Variants in ASIC2 observed in about 807,000 individuals in gnomAD.
The protein encoded by ASIC2 is acid-sensing ion channel 2.
ASIC2 carries 25 observed loss-of-function variants against 57.3 expected under a neutral mutation model. The observed-to-expected ratio is 0.44, with a 90% CI of 0.32 to 0.61. The LOEUF (loss-of-function observed/expected upper bound fraction) is 0.61, where lower values mean the gene tolerates loss of function less well. Among genes scored for constraint, ASIC2 ranks in the 20% least tolerant of loss-of-function variants. The probability of loss-of-function intolerance (pLI) is 0.06; values close to 1 mark genes in which losing one functional copy is unlikely to be tolerated. For synonymous variants in ASIC2, 319 were observed against 307.5 expected (o/e 1.04, Z -0.39); for missense variants, 641 against 738.1 (o/e 0.87, Z 1.52).
At chr17:33,175,002 C>A (rs1020365205) in intron 1 of ASIC2, among the ~76,000 whole-genome samples, 1 of 152,088 alleles carries the variant, frequency 6.6e-6, no homozygotes, top group African/African-American at 2.4e-5. Flanking sequence ...AAAAGTGGAG[C>A]TTTCTTTATC....
intron 3 of ASIC2, among the ~76,000 whole-genome samples, chr17:33,066,229 G>C (rs1460528529): frequency 6.6e-6 from 1 of 152,206 alleles, no homozygotes; most frequent in African/African-American, 2.4e-5. Context: ...AGTGAGGGCT[G>C]AGAGAGAACA....
intron 1 of ASIC2, among the ~76,000 whole-genome samples, chr17:33,819,636 G>T (rs1912689615): frequency 6.6e-6 from 1 of 152,198 alleles, no homozygotes; most frequent in African/African-American, 2.4e-5. Context: ...AAATTCTAAT[G>T]CTGAGACTGT....
chr17:34,053,113 C>T (rs1908631292), intron 1 of ASIC2, among the ~76,000 whole-genome samples: 1 of 152,154 alleles, frequency 6.6e-6, no homozygotes, highest in Admixed American at 6.5e-5. Context: ...CCTTCATGTT[C>T]CAACCACTGA....
At chr17:33,160,214 AAAAAG>A (rs750297767) in intron 1 of ASIC2, among the ~76,000 whole-genome samples, 14 of 93,512 alleles carry the variant, frequency 1.5e-4, no homozygotes, top group South Asian at 3.9e-4. Flanking sequence ...GTTAAAAAAA[AAAAAG>A]AAAAGAAAAG....
chr17:33,217,990 C>G (rs955106753), intron 1 of ASIC2, among the ~76,000 whole-genome samples: 8 of 152,250 alleles, frequency 5.3e-5, no homozygotes, highest in Non-Finnish European at 1.0e-4. Flanking sequence ...CAGAAGCCCT[C>G]TTGGCGTAAC....
At chr17:33,215,763 G>A (rs1396108509) in intron 1 of ASIC2, among the ~76,000 whole-genome samples, 1 of 150,692 alleles carries the variant, frequency 6.6e-6, no homozygotes, top group East Asian at 2.0e-4. Context: ...GCAGTGGCGC[G>A]ATCTCGGCTC....
At chr17:33,805,099 C>A (rs1414486819) in intron 1 of ASIC2, among the ~76,000 whole-genome samples, 3 of 152,154 alleles carry the variant, frequency 2.0e-5, no homozygotes, top group Admixed American at 6.6e-5. Flanking sequence ...ACCCCTCGAC[C>A]TTTTCTTTCT....
chr17:33,298,474 C>T (rs568118811), intron 1 of ASIC2, among the ~76,000 whole-genome samples: 46 of 152,328 alleles, frequency 3.0e-4, no homozygotes, highest in African/African-American at 1.0e-3. Flanking sequence ...ATATGTGCCA[C>T]ATTTTCTTAA....
At chr17:33,360,627 A>G (rs1908561951) in intron 1 of ASIC2, among the ~76,000 whole-genome samples, 1 of 152,176 alleles carries the variant, frequency 6.6e-6, no homozygotes, top group Admixed American at 6.5e-5. Flanking sequence ...TGGGGCTTTT[A>G]CTTTTCAGGT....
chr17:33,451,112 A>C (rs1912231715), intron 1 of ASIC2, among the ~76,000 whole-genome samples: 1 of 151,254 alleles, frequency 6.6e-6, no homozygotes, highest in African/African-American at 2.4e-5. Flanking sequence ...GCTGGAGTGC[A>C]GTGGTGCAGT....
At chr17:33,588,976 G>A (rs1904738236) in intron 1 of ASIC2, among the ~76,000 whole-genome samples, 1 of 152,206 alleles carries the variant, frequency 6.6e-6, no homozygotes, top group Non-Finnish European at 1.5e-5. Flanking sequence ...AATTTAAGAA[G>A]AACCTGAGCC....
intron 1 of ASIC2, among the ~76,000 whole-genome samples, chr17:33,589,294 A>T (rs1019335886): frequency 6.6e-6 from 1 of 152,212 alleles, no homozygotes; most frequent in Non-Finnish European, 1.5e-5. Context: ...GGGCCAGGAA[A>T]GCTTTCAGAA....
intron 1 of ASIC2, among the ~76,000 whole-genome samples, chr17:33,254,109 A>G (rs1908975250): frequency 6.6e-6 from 1 of 152,162 alleles, no homozygotes; most frequent in Non-Finnish European, 1.5e-5. Flanking sequence ...TGGGGCTTGG[A>G]GGTGAAGTCC....
At chr17:33,770,457 G>A (rs1286150063) in intron 1 of ASIC2, among the ~76,000 whole-genome samples, 1 of 152,100 alleles carries the variant, frequency 6.6e-6, no homozygotes, top group African/African-American at 2.4e-5. Flanking sequence ...TGTTGTTCTT[G>A]TTGTTGTTTT....
chr17:34,081,547 A>G (rs1909883360), intron 1 of ASIC2, among the ~76,000 whole-genome samples: 1 of 152,158 alleles, frequency 6.6e-6, no homozygotes, highest in African/African-American at 2.4e-5. Flanking sequence ...GGGTCATTGG[A>G]TAGCGCTGAG....
chr17:33,261,315 T>G (rs1909272212), intron 1 of ASIC2, among the ~76,000 whole-genome samples: 1 of 152,130 alleles, frequency 6.6e-6, no homozygotes, highest in African/African-American at 2.4e-5. Context: ...ACAACATCAT[T>G]AATTCTAATC....
intron 1 of ASIC2, among the ~76,000 whole-genome samples, chr17:34,062,348 T>C (rs1266175366): frequency 6.6e-6 from 1 of 152,070 alleles, no homozygotes; most frequent in Admixed American, 6.5e-5. Flanking sequence ...ACACAGCCTA[T>C]CAAAACCTTT....
At chr17:33,985,501 A>G (rs1905786283) in intron 1 of ASIC2, among the ~76,000 whole-genome samples, 1 of 152,244 alleles carries the variant, frequency 6.6e-6, no homozygotes, top group African/African-American at 2.4e-5. Context: ...GTTTTAGAAT[A>G]CTGGCTAAGC....
At chr17:33,578,173 C>T (rs1211729201) in intron 1 of ASIC2, among the ~76,000 whole-genome samples, 1 of 152,128 alleles carries the variant, frequency 6.6e-6, no homozygotes, top group Non-Finnish European at 1.5e-5. Context: ...TAACTGAACC[C>T]CTTCCACTCT....
Sources: gnomAD v4.1 joint callset for allele counts (sites outside exome capture counted in the v4.1 genomes callset) on GRCh38, gnomAD v4.1.1 for gene constraint, MANE v1.5 for transcripts, NCBI Gene and HGNC (gene_info 2026-07-23, HGNC 2026-07-21) for gene names.